GAS2L3: variants seen among roughly 807,000 people sequenced by gnomAD.
GAS2L3 encodes growth arrest specific 2 like 3, also known as GAS2-like protein 3.
GAS2L3 carries 28 observed loss-of-function variants against 37.0 expected under a neutral mutation model. The ratio of observed to expected loss-of-function variants is 0.76; its 90% confidence interval spans 0.56 to 1.04. The LOEUF is 1.04. GAS2L3 is among the 50% of genes least tolerant of loss of function. The pLI is 0.00. For missense variants in GAS2L3, 793 were observed against 817.6 expected, an observed-to-expected ratio of 0.97 and a Z score of 0.37; for synonymous variants, 290 against 296.6, an observed-to-expected ratio of 0.98 and a Z score of 0.23.
At chr12:100,611,193 T>G (rs1455883812) in intron 5 of GAS2L3, 1 of 152,114 alleles carries the variant, frequency 6.6e-6, no homozygotes, top group Non-Finnish European at 1.5e-5. Context: ...GTCACACTGT[T>G]TCCCAGGCTG....
chr12:100,612,397 G>T (rs1337495470), intron 6 of GAS2L3: 2 of 364,196 alleles, frequency 5.5e-6, no homozygotes, highest in South Asian at 3.7e-5. Flanking sequence ...CTACAGGAAG[G>T]TTCTGGACTA....
intron 1 of GAS2L3, among the ~76,000 whole-genome samples, chr12:100,587,783 T>C (rs1955798869): frequency 6.6e-6 from 1 of 152,170 alleles, no homozygotes; most frequent in African/African-American, 2.4e-5. Flanking sequence ...CTGGGCGCGG[T>C]GGCTCACGCC....
chr12:100,623,688 T>C lies in GAS2L3; in HGVS notation c.883T>C (p.Phe295Leu). 6.2e-7 allele frequency: 1 copy of C among 1,614,082 alleles called. No individual in the cohort carries two copies. The highest frequency in any genetic ancestry group is 8.5e-7 in the Non-Finnish European group (1 of 1,179,978). ...CACATTAGAACAAAAAATTTTAGCA[T>C]TTCAAAAAGGAGTTTCTAATGAAAG... Reference protein sequence around the residue: ...FATLEQKILAFQKGVSNESVP... With the variant: ...FATLEQKILALQKGVSNESVP... The change falls in exon 10 of 10, where the codon TTT becomes CTT. Residue 295 changes from phenylalanine (F) to leucine (L), a missense_variant. Physicochemically the swap from Phe to Leu is conservative, Grantham distance 22. Transcript: ENST00000547754.
intron 5 of GAS2L3, among the ~76,000 whole-genome samples, chr12:100,607,591 C>T (rs1203943656): frequency 6.6e-6 from 1 of 151,914 alleles, no homozygotes; most frequent in Non-Finnish European, 1.5e-5. Flanking sequence ...TTTCTAGATC[C>T]TTTAGGTGTG....
intron 1 of GAS2L3, among the ~76,000 whole-genome samples, chr12:100,581,055 T>C (rs988653063): frequency 6.6e-6 from 1 of 152,210 alleles, no homozygotes; most frequent in Non-Finnish European, 1.5e-5. Context: ...TACTAGGGAC[T>C]GATATCACTG....
intron 2 of GAS2L3, chr12:100,593,649 CT>C (rs1387004617): frequency 1.3e-5 from 2 of 152,056 alleles, no homozygotes; most frequent in African/African-American, 4.8e-5. Context: ...GGAGCAGCTT[CT>C]TTGCTGCATT....
rs1240507617 is a variant in GAS2L3 at position 100,622,269 on chromosome 12, T to C, written c.649-6T>C. 2 of 1,486,592 alleles carry C rather than the reference T, an allele frequency of 1.3e-6. No homozygotes were observed. Among genetic ancestry groups the C allele is most frequent in the African/African-American group, 1.4e-5 (1 of 71,744 alleles). 92.1% of individuals were successfully genotyped at this position (1,486,592 alleles called of 1,614,324 possible). The stretch of plus-strand genomic sequence containing the variant: ...AGCACTAAATTTTATTTGTTCGTCA[T>C]CTTAGGTTAAACATATTGCTGAGGA... On this transcript the variant is annotated splice_polypyrimidine_tract_variant and splice_region_variant and intron_variant, in intron 8 of 9. Transcript: ENST00000547754.
chr12:100,594,635 G>T, intron 2 of GAS2L3: 1 of 229,206 alleles, frequency 4.4e-6, no homozygotes, highest in Non-Finnish European at 9.0e-6. Flanking sequence ...TGATGCTAAT[G>T]CCAGAAAATA....
At chr12:100,614,865 A>T (rs1411189414) in intron 6 of GAS2L3, among the ~76,000 whole-genome samples, 1 of 152,218 alleles carries the variant, frequency 6.6e-6, no homozygotes, top group Non-Finnish European at 1.5e-5. Context: ...TTTTTATGGT[A>T]GACTAATATT....
chr12:100,580,210 A>G (rs190087380), intron 1 of GAS2L3: 2 of 653,498 alleles, frequency 3.1e-6, no homozygotes, highest in East Asian at 2.5e-5. Flanking sequence ...GAGAGCCTAC[A>G]TTGTAAGATT....
rs76068603 is a variant in GAS2L3 at position 100,616,261 on chromosome 12, G to A, written c.446-1483G>A. On this transcript the variant is annotated intron_variant, in intron 6 of 9. Coordinates refer to ENST00000547754, the MANE Select transcript of GAS2L3 (RefSeq NM_174942.3). ...AGCCATTGTAAGTGTAATTATTTTCGTTTCATTTTCAGACTGTTCATTTCT... is the reference window on the plus strand; with the variant it reads ...AGCCATTGTAAGTGTAATTATTTTCATTTCATTTTCAGACTGTTCATTTCT... 2.0e-3 allele frequency among the ~76,000 whole-genome samples: 306 copies of A among 152,018 alleles called. 2 individuals are homozygous for A. In the East Asian group the frequency reaches 0.024, roughly 12 times the overall value.
chr12:100,576,840 C>A lies in GAS2L3; in HGVS notation c.-152+3055C>A, dbSNP rs1202205901. 4.6e-5 allele frequency among the ~76,000 whole-genome samples: 7 copies of A among 152,270 alleles called. No homozygotes were observed. In the East Asian group the frequency reaches 1.4e-3, roughly 29 times the overall value. On this transcript the variant is annotated intron_variant, in intron 1 of 9. Transcript: ENST00000547754. ...ACTAGAATGTAATAAAATGTAGCAG[C>A]CTACTAAATGTGATGTCATCTTTGC...
intron 3 of GAS2L3, 39 bp downstream of exon 3, chr12:100,594,961 A>T (rs1425863133): frequency 2.1e-6 from 2 of 943,588 alleles, no homozygotes; most frequent in South Asian, 3.7e-5. Context: ...AAATTATGAG[A>T]TTAATATAAT....
At position 100,590,655 on chromosome 12, in the gene GAS2L3, G is replaced by T. The variant is rs118028903; in HGVS notation, c.-151-1081G>T. On this transcript the variant is annotated intron_variant, in intron 1 of 9. Transcript: ENST00000547754. ...CAAGATTCACAATTGCAAAATCATG[G>T]AAACAACCCAAATACCCATGAATAA... Among the ~76,000 whole-genome samples the T allele has an allele frequency of 1.5e-3, 222 of 152,232 alleles. 4 individuals carry two copies. In the East Asian group the frequency reaches 0.033, roughly 23 times the overall value.
At chr12:100,614,335 C>A (rs148304079) in intron 6 of GAS2L3, among the ~76,000 whole-genome samples, 1 of 151,738 alleles carries the variant, frequency 6.6e-6, no homozygotes, top group African/African-American at 2.4e-5. Flanking sequence ...TGGTGGTGCA[C>A]GCCTGTAGTC....
chr12:100,593,399 T>C lies in GAS2L3; in HGVS notation c.-30-1476T>C, dbSNP rs116976155. On this transcript the variant is annotated intron_variant, in intron 2 of 9. Transcript: ENST00000547754. ...TGATTTTAAAAATGTATGTGAAGAC[T>C]CTTGCTAAAGTTCAAGTGACCAAAT... Among the ~76,000 whole-genome samples the C allele has an allele frequency of 2.3e-3, 345 of 152,290 alleles. 1 individual carries two copies. Among genetic ancestry groups the C allele is most frequent in the Non-Finnish European group, 3.9e-3 (267 of 67,996 alleles).
intron 1 of GAS2L3, chr12:100,578,603 A>C (rs1017800495): frequency 1.7e-4 from 34 of 205,372 alleles, no homozygotes; most frequent in African/African-American, 5.8e-4. Context: ...TGTCTTGGCA[A>C]ATCTTCCTTT....
At chr12:100,585,574 T>C (rs1955770101) in intron 1 of GAS2L3, among the ~76,000 whole-genome samples, 1 of 152,144 alleles carries the variant, frequency 6.6e-6, no homozygotes, top group African/African-American at 2.4e-5. Flanking sequence ...TCTTGACCCA[T>C]GTATGCTGTG....
At chr12:100,608,706 G>A (rs1237229168) in intron 5 of GAS2L3, among the ~76,000 whole-genome samples, 1 of 151,978 alleles carries the variant, frequency 6.6e-6, no homozygotes, top group African/African-American at 2.4e-5. Flanking sequence ...TGTATTTTTA[G>A]TAGAGACGGG....
Sources: allele counts gnomAD v4.1 joint callset (sites outside exome capture counted in the v4.1 genomes callset), GRCh38; gene constraint gnomAD v4.1.1; transcripts MANE v1.5; gene names NCBI Gene and HGNC (gene_info 2026-07-23, HGNC 2026-07-21).